Variants in ATP8B4 observed in about 807,000 individuals in gnomAD.
ATP8B4 encodes the protein ATPase phospholipid transporting 8B4 (putative).
In ATP8B4, 133 loss-of-function variants were observed where a neutral mutation model predicts 145.6. The ratio of observed to expected loss-of-function variants is 0.91; its 90% CI spans 0.79 to 1.05. ATP8B4 has a LOEUF of 1.05. ATP8B4 is among the 50% of genes least tolerant of loss of function. The pLI is 0.00. For missense variants in ATP8B4, 1,458 were observed against 1,425.2 expected (o/e 1.02, Z -0.37); for synonymous variants, 507 against 492.9 (o/e 1.03, Z -0.38).
At chr15:49,928,144 C>A in intron 16 of ATP8B4, among the ~76,000 whole-genome samples, 1 of 152,138 alleles carries the variant, frequency 6.6e-6, no homozygotes, top group African/African-American at 2.4e-5. Context: ...TAAGGTACAG[C>A]ACTTGCCTGA....
chr15:50,010,421 T>C (rs2048643806), intron 7 of ATP8B4, among the ~76,000 whole-genome samples: 1 of 152,052 alleles, frequency 6.6e-6, no homozygotes, highest in Non-Finnish European at 1.5e-5. Context: ...AAACATATCT[T>C]TTCTCTTTCT....
Position 49,858,433 on chromosome 15 carries a change from C to A in ATP8B4, c.*1761G>T, listed in dbSNP as rs1002051005. The A allele has an allele frequency of 6.6e-6, 1 of 152,174 alleles. No individual in the cohort carries two copies. The highest frequency in any genetic ancestry group is 1.5e-5 in the Non-Finnish European group (1 of 68,020). The allele number at this position is 152,174 out of a possible 1,614,324, so 9.4% of individuals were successfully genotyped here. On this transcript the variant is annotated 3_prime_UTR_variant, in exon 28 of 28. Transcript: ENST00000284509. ...TAAAGGACTGCATTTGACTCTTTTA[C>A]ACATATTATTTCATTTGATCCCATT...
intron 16 of ATP8B4, among the ~76,000 whole-genome samples, chr15:49,924,357 G>A (rs1344796211): frequency 6.6e-6 from 1 of 152,106 alleles, no homozygotes; most frequent in Non-Finnish European, 1.5e-5. Flanking sequence ...TTTCTTCCCA[G>A]AACTGCCTAC....
chr15:49,886,961 C>T (rs1430371684), intron 23 of ATP8B4, among the ~76,000 whole-genome samples: 3 of 152,098 alleles, frequency 2.0e-5, no homozygotes, highest in Non-Finnish European at 4.4e-5. Flanking sequence ...AGGTGCCTGC[C>T]ACCATGCCTG....
intron 14 of ATP8B4, among the ~76,000 whole-genome samples, chr15:49,953,267 C>T (rs1461462456): frequency 2.0e-5 from 3 of 152,070 alleles, no homozygotes; most frequent in Admixed American, 6.6e-5. Context: ...GGGTGGAAAC[C>T]CATTTAATCT....
intron 6 of ATP8B4, among the ~76,000 whole-genome samples, chr15:50,031,210 G>T (rs1039759276): frequency 5.3e-5 from 8 of 152,102 alleles, no homozygotes; most frequent in African/African-American, 1.9e-4. Flanking sequence ...ACCCATAAAA[G>T]TGTGTTTTAT....
intron 15 of ATP8B4, among the ~76,000 whole-genome samples, chr15:49,933,451 G>T (rs989821197): frequency 3.3e-5 from 5 of 151,982 alleles, no homozygotes; most frequent in Non-Finnish European, 7.4e-5. Flanking sequence ...GGCCCAAGCG[G>T]TTTTGTTCTA....
chr15:49,936,009 C>A (rs2041704729), intron 14 of ATP8B4, among the ~76,000 whole-genome samples: 1 of 151,922 alleles, frequency 6.6e-6, no homozygotes, highest in South Asian at 2.1e-4. Context: ...TTTTCTATTT[C>A]ACTATAGAGG....
chr15:50,075,854 G>C (rs2054134713), intron 2 of ATP8B4, among the ~76,000 whole-genome samples: 1 of 152,128 alleles, frequency 6.6e-6, no homozygotes, highest in Non-Finnish European at 1.5e-5. Flanking sequence ...TAAAAAGCTA[G>C]AAACTTATTT....
intron 1 of ATP8B4, among the ~76,000 whole-genome samples, chr15:50,153,362 G>C (rs1411918755): frequency 1.2e-4 from 17 of 141,092 alleles, no homozygotes; most frequent in Admixed American, 9.3e-4. Flanking sequence ...TTTTTGAAAC[G>C]GTGTCCCACG....
chr15:50,146,020 T>TTTG (rs2044271863), intron 1 of ATP8B4, among the ~76,000 whole-genome samples: 1 of 149,778 alleles, frequency 6.7e-6, no homozygotes, highest in Middle Eastern at 3.2e-3. Flanking sequence ...TTTACTTTTT[T>TTTG]TTTTTTTTTT....
chr15:50,173,675 AG>A (rs2044721915), intron 1 of ATP8B4, among the ~76,000 whole-genome samples: 1 of 152,106 alleles, frequency 6.6e-6, no homozygotes, highest in Non-Finnish European at 1.5e-5. Context: ...CCCCTCTCCG[AG>A]AAACACCCAA....
chr15:49,962,823 A>T (rs1207777486), intron 13 of ATP8B4, among the ~76,000 whole-genome samples: 1 of 152,144 alleles, frequency 6.6e-6, no homozygotes, highest in Non-Finnish European at 1.5e-5. Flanking sequence ...CCATGATTAT[A>T]GATGTAGCAT....
intron 1 of ATP8B4, among the ~76,000 whole-genome samples, chr15:50,128,460 G>A (rs1339909676): frequency 6.6e-6 from 1 of 152,212 alleles, no homozygotes; most frequent in East Asian, 1.9e-4. Context: ...GAAGGGCAAG[G>A]CCTGGGCCAA....
intron 25 of ATP8B4, among the ~76,000 whole-genome samples, 173 bp downstream of exon 25, chr15:49,876,105 C>G (rs1272751724): frequency 6.6e-6 from 1 of 152,190 alleles, no homozygotes; most frequent in African/African-American, 2.4e-5. Context: ...CTAATTCTCC[C>G]CAGTAATTTA....
intron 14 of ATP8B4, among the ~76,000 whole-genome samples, chr15:49,937,162 A>G (rs952010863): frequency 1.1e-4 from 17 of 152,328 alleles, no homozygotes; most frequent in Non-Finnish European, 1.9e-4. Flanking sequence ...TTCCTAATGT[A>G]CAGTGACTTG....
chr15:49,938,822 G>A (rs1427728866), intron 14 of ATP8B4, among the ~76,000 whole-genome samples: 1 of 151,976 alleles, frequency 6.6e-6, no homozygotes, highest in Admixed American at 6.6e-5. Context: ...TCTTCTGCAC[G>A]TGACACATAC....
At position 49,876,430 on chromosome 15, in the gene ATP8B4, C is replaced by T. The variant is rs748227760; in HGVS notation, c.2875G>A (p.Val959Met). The change falls in exon 25 of 28, where the codon GTG (valine) becomes ATG (methionine). Residue 959 changes from valine (V) to methionine (M), a missense_variant. Physicochemically the swap from Val to Met is conservative, Grantham distance 21. Coordinates refer to ENST00000284509, the MANE Select transcript of ATP8B4 (RefSeq NM_024837.4). ...AATGAGGTGTAGATTCCATGCAACA[C>T]GCAAATGAAAAATTTACGCTTGTTA... Reference protein sequence around the residue: ...LFNKRKFFICVLHGIYTSLVL... With the variant: ...LFNKRKFFICMLHGIYTSLVL... 26 of 1,613,906 alleles carry T rather than the reference C, an allele frequency of 1.6e-5. No individual in the cohort carries two copies. Among genetic ancestry groups the T allele is most frequent in the Middle Eastern group, 1.6e-4 (1 of 6,082 alleles).
At chr15:49,876,715 T>C (rs2034488489) in intron 24 of ATP8B4, 192 bp from the exon 25 acceptor site, 1 of 852,984 alleles carries the variant, frequency 1.2e-6, no homozygotes, top group Non-Finnish European at 1.9e-6. Context: ...ATCTCTACTT[T>C]ACAGAGAAGG....
Sources: allele counts gnomAD v4.1 joint callset (sites outside exome capture counted in the v4.1 genomes callset), GRCh38; gene constraint gnomAD v4.1.1; transcripts MANE v1.5; gene names NCBI Gene and HGNC (gene_info 2026-07-23, HGNC 2026-07-21).